Variants in ALK observed in about 807,000 individuals in gnomAD.
ALK encodes ALK tyrosine kinase receptor.
Under a neutral mutation model 163.1 loss-of-function variants are expected in ALK, and 74 were observed. That is an observed-to-expected ratio of 0.45 (90% confidence interval 0.38 to 0.55). The LOEUF (loss-of-function observed/expected upper bound fraction) is 0.55. Ranked by LOEUF, ALK falls within the 20% of genes least tolerant of loss-of-function variation. The pLI, the probability that ALK is intolerant of heterozygous loss-of-function variation, is 0.00. For missense variants in ALK, 2,063 were observed against 2,105.3 expected, an observed-to-expected ratio of 0.98 and a Z score of 0.39; for synonymous variants, 960 against 843.2, an observed-to-expected ratio of 1.14 and a Z score of -2.40.
intron 4 of ALK, among the ~76,000 whole-genome samples, chr2:29,416,894 C>A (rs769638807): frequency 2.6e-5 from 4 of 151,420 alleles, no homozygotes; most frequent in Non-Finnish European, 4.4e-5. Flanking sequence ...TGGCTCAATG[C>A]CTGCCTCATA....
chr2:29,321,539 C>T (rs554616119), intron 6 of ALK, among the ~76,000 whole-genome samples: 13 of 152,350 alleles, frequency 8.5e-5, no homozygotes, highest in African/African-American at 2.9e-4. Context: ...GATGTATCTT[C>T]TCTGAATTAA....
rs532420869 is a variant in ALK at position 29,419,697 on chromosome 2, C to T, written c.1155-35838G>A. On this transcript the variant is annotated intron_variant, in intron 4 of 28. Transcript: ENST00000389048. Reference sequence around the variant, plus strand: ...ATGAGAAGCTTATAAGGTTTATCATCGGGAAAGTTATATAAACAAAATAGT... The same window carrying T: ...ATGAGAAGCTTATAAGGTTTATCATTGGGAAAGTTATATAAACAAAATAGT... Among the ~76,000 whole-genome samples, 9 of 151,390 alleles carry T rather than the reference C, an allele frequency of 5.9e-5. No individual in the cohort carries two copies. The South Asian group carries it at 1.7e-3, about 28-fold the overall frequency.
chr2:29,861,182 A>G (rs1666282788), intron 1 of ALK, among the ~76,000 whole-genome samples: 1 of 152,186 alleles, frequency 6.6e-6, no homozygotes, highest in South Asian at 2.1e-4. Flanking sequence ...AAAAAGAAGG[A>G]GGAGGGTAAG....
At chr2:29,570,402 C>A (rs1259194127) in intron 3 of ALK, among the ~76,000 whole-genome samples, 1 of 152,186 alleles carries the variant, frequency 6.6e-6, no homozygotes, top group Non-Finnish European at 1.5e-5. Flanking sequence ...GGAAGCTTGG[C>A]AGGTGTGCCC....
chr2:29,194,708 T>C (rs1043774356), intron 28 of ALK, among the ~76,000 whole-genome samples: 49 of 127,148 alleles, frequency 3.9e-4, no homozygotes, highest in African/African-American at 1.5e-3. Flanking sequence ...GAGACAAGGT[T>C]TCATTCAACA....
intron 12 of ALK, 43 bp downstream of exon 12, chr2:29,251,062 G>A (rs2148197085): frequency 6.2e-7 from 1 of 1,603,012 alleles, no homozygotes. Flanking sequence ...GGCTTCTTCG[G>A]AAGGGGTGGT....
At chr2:29,297,909 A>G (rs1666245393) in intron 8 of ALK, among the ~76,000 whole-genome samples, 1 of 152,226 alleles carries the variant, frequency 6.6e-6, no homozygotes, top group South Asian at 2.1e-4. Context: ...GTAAGAAAAA[A>G]TGGTGGTTAT....
intron 4 of ALK, among the ~76,000 whole-genome samples, chr2:29,525,847 T>TGTGTA (rs1220694765): frequency 6.7e-6 from 1 of 149,382 alleles, no homozygotes; most frequent in Non-Finnish European, 1.5e-5. Context: ...GTTTGTAAAA[T>TGTGTA]GTGTAGTTCT....
intron 3 of ALK, among the ~76,000 whole-genome samples, chr2:29,667,478 C>T (rs187418295): frequency 1.4e-3 from 209 of 151,588 alleles, no homozygotes; most frequent in African/African-American, 4.7e-3. Flanking sequence ...TGTTATTTTG[C>T]AGTATGTTCC....
intron 4 of ALK, among the ~76,000 whole-genome samples, chr2:29,523,050 C>G (rs1672855835): frequency 6.6e-6 from 1 of 152,100 alleles, no homozygotes; most frequent in Non-Finnish European, 1.5e-5. Context: ...GATGGGCTTT[C>G]TTGCTACATA....
At chr2:29,336,410 T>C (rs943100684) in intron 5 of ALK, among the ~76,000 whole-genome samples, 2 of 152,242 alleles carry the variant, frequency 1.3e-5, no homozygotes, top group African/African-American at 4.8e-5. Context: ...CTCAGTGGGA[T>C]TTCCTGTCTC....
chr2:29,723,047 C>T lies in ALK; in HGVS notation c.668-5350G>A, dbSNP rs11885763. 3.6e-3 allele frequency among the ~76,000 whole-genome samples: 549 copies of T among 152,234 alleles called. 3 individuals are homozygous for T. Among genetic ancestry groups the T allele is most frequent in the African/African-American group, 0.013 (519 of 41,518 alleles). Reference sequence around the variant, plus strand: ...ATTATTGCTATGAGCTCAAAGAGGGCCCCCCTTCAGTCTGTTCTCTATGTG... The same window carrying T: ...ATTATTGCTATGAGCTCAAAGAGGGTCCCCCTTCAGTCTGTTCTCTATGTG... On this transcript the variant is annotated intron_variant, in intron 1 of 28. Transcript: ENST00000389048.
chr2:29,807,077 T>C (rs1478687838), intron 1 of ALK, among the ~76,000 whole-genome samples: 1 of 152,236 alleles, frequency 6.6e-6, no homozygotes, highest in African/African-American at 2.4e-5. Flanking sequence ...TCTGTGCAGA[T>C]TGAAGATGAC....
At chr2:29,532,957 A>G (rs553472552) in intron 3 of ALK, among the ~76,000 whole-genome samples, 1 of 152,324 alleles carries the variant, frequency 6.6e-6, no homozygotes, top group South Asian at 2.1e-4. Flanking sequence ...GGCACTTCCA[A>G]GGTCTCCTTC....
intron 1 of ALK, among the ~76,000 whole-genome samples, chr2:29,752,759 A>G (rs1680408891): frequency 1.3e-5 from 2 of 152,196 alleles, no homozygotes; most frequent in South Asian, 4.1e-4. Context: ...CTGACACTGC[A>G]GAATAGCCCT....
intron 2 of ALK, among the ~76,000 whole-genome samples, chr2:29,710,499 C>CGTGTGT (rs55939983): frequency 0.067 from 9,762 of 144,642 alleles, 381 homozygotes; most frequent in Middle Eastern, 0.1. Flanking sequence ...AGTCTGTGTG[C>CGTGTGT]GTGTGTGTGT....
intron 4 of ALK, among the ~76,000 whole-genome samples, chr2:29,459,819 G>T (rs1222272327): frequency 6.6e-6 from 1 of 152,070 alleles, no homozygotes; most frequent in Non-Finnish European, 1.5e-5. Flanking sequence ...GCATACCTCT[G>T]AACTTATTTT....
At chr2:29,561,801 T>A (rs1249644679) in intron 3 of ALK, among the ~76,000 whole-genome samples, 2 of 152,116 alleles carry the variant, frequency 1.3e-5, no homozygotes, top group African/African-American at 4.8e-5. Context: ...CAACCCTGGC[T>A]CCCCATGAAA....
chr2:29,435,146 C>T (rs776112791), intron 4 of ALK, among the ~76,000 whole-genome samples: 11 of 152,084 alleles, frequency 7.2e-5, no homozygotes, highest in East Asian at 1.9e-4. Flanking sequence ...ACCCAAAACG[C>T]GGTGGAAATG....
Sources: gnomAD v4.1 joint callset for allele counts (sites outside exome capture counted in the v4.1 genomes callset) on GRCh38, gnomAD v4.1.1 for gene constraint, MANE v1.5 for transcripts, NCBI Gene and HGNC (gene_info 2026-07-23, HGNC 2026-07-21) for gene names.